Variants in MAGI2 observed in about 807,000 individuals in gnomAD.
The protein encoded by MAGI2 is membrane associated guanylate kinase, WW and PDZ domain containing 2.
Under a neutral mutation model 133.3 loss-of-function variants are expected in MAGI2, and 35 were observed. The observed-to-expected ratio is 0.26, with a 90% CI of 0.20 to 0.35. The LOEUF is 0.35. MAGI2 is among the 10% of genes least tolerant of loss of function. The pLI is 1.00. For synonymous variants in MAGI2, 729 were observed against 710.6 expected, an observed-to-expected ratio of 1.03 and a Z score of -0.41; for missense variants, 1,636 against 1,863.4, an observed-to-expected ratio of 0.88 and a Z score of 2.25.
chr7:78,113,686 G>A (rs1308475059), intron 20 of MAGI2, among the ~76,000 whole-genome samples: 1 of 152,130 alleles, frequency 6.6e-6, no homozygotes, highest in Non-Finnish European at 1.5e-5. Flanking sequence ...GTTTTTGTAA[G>A]TGTACTTCTT....
At chr7:78,453,406 T>G (rs1487294522) in intron 6 of MAGI2, among the ~76,000 whole-genome samples, 1 of 152,258 alleles carries the variant, frequency 6.6e-6, no homozygotes. Flanking sequence ...CCCAGGCTCT[T>G]GGCATTAGGT....
At chr7:78,975,729 G>C (rs1804185088) in intron 2 of MAGI2, among the ~76,000 whole-genome samples, 1 of 151,508 alleles carries the variant, frequency 6.6e-6, no homozygotes, top group Admixed American at 6.6e-5. Context: ...GGGAACTAAA[G>C]CTCGTTCTTT....
At chr7:79,411,258 G>A (rs544619379) in intron 1 of MAGI2, 2 of 152,208 alleles carry the variant, frequency 1.3e-5, no homozygotes, top group East Asian at 1.9e-4. Flanking sequence ...CAAAATTTGT[G>A]AACGTAATTA....
intron 2 of MAGI2, among the ~76,000 whole-genome samples, chr7:78,805,593 T>G (rs1218754105): frequency 6.6e-6 from 1 of 152,220 alleles, no homozygotes; most frequent in Non-Finnish European, 1.5e-5. Context: ...CTGCTAGTAT[T>G]CACGCCCTTG....
Position 78,929,214 on chromosome 7 carries a change from T to C in MAGI2, c.418+77876A>G, listed in dbSNP as rs1005358267. 2.6e-5 allele frequency among the ~76,000 whole-genome samples: 4 copies of C among 151,822 alleles called. No homozygotes were observed. In the Admixed American group the frequency reaches 2.6e-4, roughly 10 times the overall value. On this transcript the variant is annotated intron_variant, in intron 2 of 21. Coordinates refer to ENST00000354212, the MANE Select transcript of MAGI2 (RefSeq NM_012301.4). The stretch of plus-strand genomic sequence containing the variant: ...GCAACTAAAAGTAGTACAGAGAAAA[T>C]AAGAAAGGTGAACATTTTAAAATGT...
intron 9 of MAGI2, among the ~76,000 whole-genome samples, chr7:78,337,506 C>A (rs1169606470): frequency 6.6e-6 from 1 of 152,200 alleles, no homozygotes; most frequent in African/African-American, 2.4e-5. Context: ...TGTGCCTACA[C>A]AAACTACTGA....
chr7:78,913,688 G>T (rs1584373924), intron 2 of MAGI2, among the ~76,000 whole-genome samples: 2 of 152,214 alleles, frequency 1.3e-5, no homozygotes, highest in Admixed American at 1.3e-4. Flanking sequence ...CAACTAATTT[G>T]ACTTGCTGTT....
At chr7:78,297,495 C>T (rs1251345778) in intron 9 of MAGI2, among the ~76,000 whole-genome samples, 2 of 151,134 alleles carry the variant, frequency 1.3e-5, no homozygotes, top group South Asian at 2.1e-4. Context: ...ACCCAAAGGA[C>T]TATAAATCAT....
At chr7:78,583,738 C>T (rs1363437467) in intron 3 of MAGI2, among the ~76,000 whole-genome samples, 5 of 152,014 alleles carry the variant, frequency 3.3e-5, no homozygotes, top group African/African-American at 1.2e-4. Context: ...TAAATGAAGA[C>T]CTGTTGCTTG....
chr7:78,574,726 C>T (rs1028869122), intron 3 of MAGI2, among the ~76,000 whole-genome samples: 2 of 152,270 alleles, frequency 1.3e-5, no homozygotes, highest in South Asian at 2.1e-4. Flanking sequence ...ATAGTCCTCA[C>T]CACAAGTGGA....
At chr7:78,857,199 C>A (rs1215810668) in intron 2 of MAGI2, among the ~76,000 whole-genome samples, 1 of 152,194 alleles carries the variant, frequency 6.6e-6, no homozygotes, top group Non-Finnish European at 1.5e-5. Flanking sequence ...CACCTGCAAA[C>A]AGGGACAATT....
chr7:79,124,886 A>C (rs748762079), intron 1 of MAGI2: 1 of 243,952 alleles, frequency 4.1e-6, no homozygotes, highest in Non-Finnish European at 8.0e-6. Context: ...TCCAAACACC[A>C]AACCCTCCAG....
intron 9 of MAGI2, among the ~76,000 whole-genome samples, chr7:78,337,487 A>G (rs1034724803): frequency 6.6e-6 from 1 of 152,114 alleles, no homozygotes; most frequent in Non-Finnish European, 1.5e-5. Flanking sequence ...GGTACAGAGG[A>G]TTTTTCTTTG....
chr7:79,354,285 A>G (rs1268576527), intron 1 of MAGI2: 6 of 152,250 alleles, frequency 3.9e-5, no homozygotes, highest in Admixed American at 2.0e-4. Context: ...TTATCTCCAG[A>G]GTCTTTGAGA....
At chr7:79,041,006 A>G (rs1453450970) in intron 1 of MAGI2, among the ~76,000 whole-genome samples, 1 of 152,226 alleles carries the variant, frequency 6.6e-6, no homozygotes, top group Non-Finnish European at 1.5e-5. Flanking sequence ...TCAGCAAAAT[A>G]ATGATAAATT....
At chr7:78,620,859 A>C (rs572464487) in intron 3 of MAGI2, among the ~76,000 whole-genome samples, 4 of 152,204 alleles carry the variant, frequency 2.6e-5, no homozygotes, top group African/African-American at 9.6e-5. Context: ...ATATGGTAGC[A>C]GATGTTACAA....
At position 78,083,379 on chromosome 7, in the gene MAGI2, GGAGGGGGGGAGAGAGAGAGA is replaced by G. The variant is rs1816209587; in HGVS notation, c.3568-4314_3568-4295del. Among the ~76,000 whole-genome samples the G allele has an allele frequency of 2.2e-5, 2 of 91,442 alleles. 1 individual carries two copies. The highest frequency in any genetic ancestry group is 9.0e-5 in the African/African-American group (2 of 22,244). 60.0% of individuals were successfully genotyped at this position (91,442 alleles called of 152,430 possible). A position where few individuals can be genotyped will look rare whatever the true frequency, so the allele number is the denominator to read the frequency against. ...GATGGTGGGGGGGCGGGGGAGGGAG[GGAGGGGGGGAGAGAGAGAGA>G]GAGAGAGAGAGAGAGAGAGAGAGAG... On this transcript the variant is annotated intron_variant, in intron 20 of 21. Coordinates refer to ENST00000354212, the MANE Select transcript of MAGI2 (RefSeq NM_012301.4).
intron 13 of MAGI2, among the ~76,000 whole-genome samples, chr7:78,179,473 A>G (rs1584283631): frequency 6.6e-6 from 1 of 152,220 alleles, no homozygotes; most frequent in Non-Finnish European, 1.5e-5. Flanking sequence ...AACCTGGGCT[A>G]TTCCCAGGGA....
intron 1 of MAGI2, among the ~76,000 whole-genome samples, chr7:79,224,208 C>T (rs1006053302): frequency 6.6e-6 from 1 of 151,996 alleles, no homozygotes; most frequent in Non-Finnish European, 1.5e-5. Flanking sequence ...TCCTCCAACC[C>T]GTTTAGGTTC....
Sources: gnomAD v4.1 joint callset for allele counts (sites outside exome capture counted in the v4.1 genomes callset) on GRCh38, gnomAD v4.1.1 for gene constraint, MANE v1.5 for transcripts, NCBI Gene and HGNC (gene_info 2026-07-23, HGNC 2026-07-21) for gene names.